Variants in PCNX2 observed in about 807,000 individuals in gnomAD.
The protein encoded by PCNX2 is pecanex 2.
A neutral mutation model predicts 223.8 loss-of-function variants in PCNX2; 168 were observed. The ratio of observed to expected loss-of-function variants is 0.75; its 90% CI spans 0.66 to 0.85. The LOEUF (loss-of-function observed/expected upper bound fraction) is 0.85, where lower values mean the gene tolerates loss of function less well. Ranked by LOEUF, PCNX2 falls within the 40% of genes least tolerant of loss-of-function variation. PCNX2 has a pLI of 0.00. For missense variants in PCNX2, 2,507 were observed against 2,675.5 expected, an observed-to-expected ratio of 0.94 and a Z score of 1.39; for synonymous variants, 1,006 against 1,052.6, an observed-to-expected ratio of 0.96 and a Z score of 0.86.
chr1:233,107,774 C>T (rs1391667101), intron 21 of PCNX2, among the ~76,000 whole-genome samples: 2 of 152,074 alleles, frequency 1.3e-5, no homozygotes, highest in Non-Finnish European at 2.9e-5. Flanking sequence ...ACCAGAACAA[C>T]TGCATGTTGA....
chr1:233,074,185 T>A (rs1672981665), intron 23 of PCNX2, among the ~76,000 whole-genome samples: 1 of 152,198 alleles, frequency 6.6e-6, no homozygotes, highest in Non-Finnish European at 1.5e-5. Flanking sequence ...TTTCAGTTTT[T>A]AAAAACTTAT....
At chr1:232,985,439 A>G (rs1444143528) in intron 33 of PCNX2, 1 of 153,930 alleles carries the variant, frequency 6.5e-6, no homozygotes, top group African/African-American at 2.4e-5. Context: ...AACCTGACCC[A>G]TTTTTGCCTT....
intron 25 of PCNX2, among the ~76,000 whole-genome samples, chr1:233,041,810 T>C (rs1394292526): frequency 6.6e-6 from 1 of 152,162 alleles, no homozygotes; most frequent in Non-Finnish European, 1.5e-5. Context: ...TATAAGAAAA[T>C]AAATGGTTAT....
At chr1:233,216,767 G>A (rs1176935612) in intron 12 of PCNX2, among the ~76,000 whole-genome samples, 1 of 152,052 alleles carries the variant, frequency 6.6e-6, no homozygotes, top group Non-Finnish European at 1.5e-5. Flanking sequence ...CATGTTCATT[G>A]CAACACTGTT....
At chr1:233,289,199 C>T (rs1661619118) in intron 1 of PCNX2, 3 of 844,038 alleles carry the variant, frequency 3.6e-6, no homozygotes, top group Admixed American at 1.7e-5. Context: ...ACTTTTTCTC[C>T]AATTCACATA....
intron 23 of PCNX2, among the ~76,000 whole-genome samples, chr1:233,084,169 C>T (rs530945346): frequency 6.6e-6 from 1 of 152,266 alleles, no homozygotes; most frequent in East Asian, 1.9e-4. Flanking sequence ...AACACCTAAC[C>T]GAGCGTATGT....
At chr1:233,017,375 C>T (rs59286360) in intron 26 of PCNX2, among the ~76,000 whole-genome samples, 61,972 of 140,992 alleles carry the variant, frequency 0.44, 14,441 homozygotes, top group African/African-American at 0.63. Context: ...TGGAGTGCAG[C>T]GGTGCGATCT....
At chr1:233,105,076 G>A (rs1368779718) in intron 21 of PCNX2, among the ~76,000 whole-genome samples, 1 of 152,024 alleles carries the variant, frequency 6.6e-6, no homozygotes, top group Non-Finnish European at 1.5e-5. Context: ...GTCCATATTG[G>A]CAGGCTATTT....
chr1:233,198,547 C>A (rs1183486964), intron 15 of PCNX2, among the ~76,000 whole-genome samples: 1 of 152,200 alleles, frequency 6.6e-6, no homozygotes. Flanking sequence ...GCTGTCATAT[C>A]CTCTTCTGTC....
At chr1:233,172,541 G>C (rs990036648) in intron 17 of PCNX2, 4 of 985,410 alleles carry the variant, frequency 4.1e-6, no homozygotes, top group Non-Finnish European at 2.4e-6. Context: ...CTCACTCTGA[G>C]AGTGTGGCAC....
chr1:233,024,325 C>G (rs1037496366), intron 26 of PCNX2, among the ~76,000 whole-genome samples: 1 of 152,234 alleles, frequency 6.6e-6, no homozygotes, highest in Non-Finnish European at 1.5e-5. Context: ...TGTCTCGGCA[C>G]GCTGGCAGAG....
In PCNX2 at chr1:233,020,381, C is replaced by T. The variant is rs113972916; in HGVS notation, c.4606-3227G>A. ...ACTGTAAAATCCTTCAGAATCTGTC[C>T]GGATGAGGTGGATACAACACTAAGT... On this transcript the variant is annotated intron_variant, in intron 26 of 33. Coordinates refer to ENST00000258229, the MANE Select transcript of PCNX2 (RefSeq NM_014801.4). 6.0e-3 allele frequency among the ~76,000 whole-genome samples: 907 copies of T among 152,312 alleles called. 13 individuals are homozygous for T. Among genetic ancestry groups the T allele is most frequent in the African/African-American group, 0.021 (860 of 41,556 alleles).
At chr1:233,093,205 G>C (rs2102944411) in intron 22 of PCNX2, among the ~76,000 whole-genome samples, 1 of 152,292 alleles carries the variant, frequency 6.6e-6, no homozygotes, top group South Asian at 2.1e-4. Flanking sequence ...TAGAGAATCT[G>C]GCTAAGTATT....
At position 233,106,347 on chromosome 1, in the gene PCNX2, CTTTTTTTTT is replaced by C. The variant is rs912803573; in HGVS notation, c.3838-10493_3838-10485del. On this transcript the variant is annotated intron_variant, in intron 21 of 33. Coordinates refer to ENST00000258229, the MANE Select transcript of PCNX2 (RefSeq NM_014801.4). The stretch of plus-strand genomic sequence containing the variant: ...CTGTTGGGGGCTTCCTCTCCTCCCT[CTTTTTTTTT>C]TTTTTTTTTTTTTTGAGATGGAATC... Among the ~76,000 whole-genome samples, 4 of 115,686 alleles carry C rather than the reference CTTTTTTTTT, an allele frequency of 3.5e-5. No homozygotes were observed. The Admixed American group carries it at 3.8e-4, about 11-fold the overall frequency. 75.9% of individuals were successfully genotyped at this position (115,686 alleles called of 152,430 possible). A position where few individuals can be genotyped will look rare whatever the true frequency, so the allele number is the denominator to read the frequency against.
At chr1:233,054,994 T>C (rs911602483) in intron 24 of PCNX2, among the ~76,000 whole-genome samples, 1 of 152,190 alleles carries the variant, frequency 6.6e-6, no homozygotes, top group African/African-American at 2.4e-5. Context: ...GTTGTATATA[T>C]GAGTGTGTTC....
intron 21 of PCNX2, among the ~76,000 whole-genome samples, chr1:233,131,009 A>G (rs748046406): frequency 2.0e-5 from 3 of 152,120 alleles, no homozygotes; most frequent in Non-Finnish European, 2.9e-5. Context: ...CTACCCATAA[A>G]GCCCAAAGGA....
At chr1:233,154,090 A>AT (rs1558288424) in intron 19 of PCNX2, among the ~76,000 whole-genome samples, 3 of 151,900 alleles carry the variant, frequency 2.0e-5, no homozygotes, top group African/African-American at 7.3e-5. Context: ...GTTTTGTTTT[A>AT]TTTTTTGAGA....
At chr1:233,131,457 G>A (rs1415923476) in intron 21 of PCNX2, among the ~76,000 whole-genome samples, 1 of 152,134 alleles carries the variant, frequency 6.6e-6, no homozygotes, top group East Asian at 1.9e-4. Context: ...ATCTTTACAG[G>A]GGACCTTAAC....
intron 25 of PCNX2, among the ~76,000 whole-genome samples, chr1:233,037,354 C>T (rs1011875446): frequency 4.3e-4 from 66 of 152,170 alleles, no homozygotes; most frequent in African/African-American, 1.5e-3. Context: ...TTTGTAGAGA[C>T]GGGGTCTGCC....
Sources: allele counts gnomAD v4.1 joint callset (sites outside exome capture counted in the v4.1 genomes callset), GRCh38; gene constraint gnomAD v4.1.1; transcripts MANE v1.5; gene names NCBI Gene and HGNC (gene_info 2026-07-23, HGNC 2026-07-21).